ADAM19: variants seen among roughly 807,000 people sequenced by gnomAD.
ADAM19 encodes the protein ADAM metallopeptidase domain 19, also known as disintegrin and metalloproteinase domain-containing protein 19.
A neutral mutation model predicts 114.7 loss-of-function variants in ADAM19; 65 were observed. The observed-to-expected ratio is 0.57, with a 90% CI of 0.46 to 0.70. The LOEUF (loss-of-function observed/expected upper bound fraction) is 0.70. Ranked by LOEUF, ADAM19 falls within the 30% of genes least tolerant of loss-of-function variation. The pLI is 0.00. For missense variants in ADAM19, 1,063 were observed against 1,204.7 expected, an observed-to-expected ratio of 0.88 and a Z score of 1.74; for synonymous variants, 466 against 460.5, an observed-to-expected ratio of 1.01 and a Z score of -0.15.
chr5:157,504,590 A>T (rs187830921), intron 11 of ADAM19, among the ~76,000 whole-genome samples: 77 of 152,196 alleles, frequency 5.1e-4, no homozygotes, highest in African/African-American at 1.4e-3. Flanking sequence ...AAATAATTTT[A>T]AAAAATTGAC....
chr5:157,567,809 A>T (rs112243378), intron 2 of ADAM19, among the ~76,000 whole-genome samples: 51 of 152,092 alleles, frequency 3.4e-4, no homozygotes, highest in Middle Eastern at 3.4e-3. Context: ...ACAAAAAAAA[A>T]AAATAAAAAA....
intron 3 of ADAM19, among the ~76,000 whole-genome samples, chr5:157,543,857 T>C (rs1015913293): frequency 2.0e-5 from 3 of 152,158 alleles, no homozygotes; most frequent in African/African-American, 7.2e-5. Flanking sequence ...GCTATTCTAA[T>C]GTCATGGCCT....
rs1754690463 is a variant in ADAM19, at chr5:157,479,757, C to T, written c.*1192G>A. On this transcript the variant is annotated 3_prime_UTR_variant, in exon 23 of 23. Coordinates refer to ENST00000257527, the MANE Select transcript of ADAM19 (RefSeq NM_033274.5). Reference sequence around the variant, plus strand: ...TGCTGGCTGCCTTCTCCAGTGATCTCGGGCAGCTCCCAGAAATGGGTCTGT... The same window carrying T: ...TGCTGGCTGCCTTCTCCAGTGATCTTGGGCAGCTCCCAGAAATGGGTCTGT... 13 of 985,660 alleles carry T rather than the reference C, an allele frequency of 1.3e-5. No homozygotes were observed. The highest frequency in any genetic ancestry group is 5.2e-4 in the Middle Eastern group (1 of 1,914). The allele number at this position is 985,660 out of a possible 1,614,324, so 61.1% of individuals were successfully genotyped here. A position where few individuals can be genotyped will look rare whatever the true frequency, so the allele number is the denominator to read the frequency against.
chr5:157,487,986 A>G, intron 21 of ADAM19, among the ~76,000 whole-genome samples: 1 of 152,092 alleles, frequency 6.6e-6, no homozygotes, highest in East Asian at 1.9e-4. Flanking sequence ...AGCATGGGGG[A>G]ACTGACAGAA....
chr5:157,562,531 C>T (rs1488106750), intron 3 of ADAM19, among the ~76,000 whole-genome samples: 1 of 152,198 alleles, frequency 6.6e-6, no homozygotes, highest in Admixed American at 6.5e-5. Flanking sequence ...ACGAGGCTGG[C>T]CTTATTACCC....
intron 3 of ADAM19, among the ~76,000 whole-genome samples, chr5:157,543,402 G>C (rs1402477545): frequency 1.3e-5 from 2 of 152,180 alleles, no homozygotes; most frequent in Non-Finnish European, 2.9e-5. Flanking sequence ...TAAGTCGTGT[G>C]AATTCAGACT....
chr5:157,546,773 G>A (rs1407747755), intron 3 of ADAM19, among the ~76,000 whole-genome samples: 1 of 152,220 alleles, frequency 6.6e-6, no homozygotes, highest in Non-Finnish European at 1.5e-5. Context: ...AGGAAAGGGG[G>A]GAAGTGAGAC....
chr5:157,522,860 C>G (rs1226034318), intron 5 of ADAM19, among the ~76,000 whole-genome samples: 2 of 152,138 alleles, frequency 1.3e-5, no homozygotes, highest in Non-Finnish European at 2.9e-5. Context: ...AGTGATGGTG[C>G]CAGCAGCTCT....
At position 157,570,951 on chromosome 5, in the gene ADAM19, G is replaced by A. The variant is rs1165311976; in HGVS notation, c.124C>T (p.Gln42Ter). ...RGSEEGSPKL[Q>*]HELIIPQWKT... The stretch of plus-strand genomic sequence containing the variant: ...CACTGAGGTATGATAAGTTCATGCT[G>A]CAGCTTGGGGCTGCCTTCCTCACTT... Residue 42 changes from glutamine to a stop codon, truncating the protein, a stop_gained, in exon 2 of 23, where the codon CAG becomes TAG. Coordinates refer to ENST00000257527, the MANE Select transcript of ADAM19 (RefSeq NM_033274.5). LOFTEE classifies it high-confidence loss of function. 1 of 1,614,080 alleles carries A rather than the reference G, an allele frequency of 6.2e-7. No homozygotes were observed. Among genetic ancestry groups the A allele is most frequent in the Non-Finnish European group, 8.5e-7 (1 of 1,180,000 alleles).
chr5:157,541,625 GGAA>G (rs1366864923), intron 3 of ADAM19, among the ~76,000 whole-genome samples: 1 of 152,086 alleles, frequency 6.6e-6, no homozygotes, highest in East Asian at 1.9e-4. Flanking sequence ...CACTCTCTAG[GGAA>G]GAAGAACTGG....
intron 22 of ADAM19, 104 bp from the exon 23 acceptor site, chr5:157,481,106 C>G: frequency 6.9e-7 from 1 of 1,452,844 alleles, no homozygotes; most frequent in Non-Finnish European, 9.5e-7. Flanking sequence ...GATGGACCAC[C>G]CACTGAGAAC....
intron 13 of ADAM19, among the ~76,000 whole-genome samples, chr5:157,498,487 T>G (rs1324311662): frequency 2.0e-5 from 3 of 152,140 alleles, no homozygotes; most frequent in African/African-American, 2.4e-5. Flanking sequence ...TGATTAAACG[T>G]GAGTTAGAAC....
intron 19 of ADAM19, among the ~76,000 whole-genome samples, chr5:157,489,628 A>C (rs111759027): frequency 0.048 from 7,367 of 152,318 alleles, 244 homozygotes; most frequent in Middle Eastern, 0.082. Flanking sequence ...GGGACACCAA[A>C]AGCGAGCAGG....
intron 16 of ADAM19, among the ~76,000 whole-genome samples, chr5:157,492,620 T>C (rs1048439093): frequency 2.6e-5 from 4 of 152,214 alleles, no homozygotes; most frequent in African/African-American, 9.6e-5. Context: ...TGCTTCATGT[T>C]TTCCATAGTT....
chr5:157,560,446 G>C (rs915448594), intron 3 of ADAM19, among the ~76,000 whole-genome samples: 6 of 152,208 alleles, frequency 3.9e-5, no homozygotes, highest in Admixed American at 6.5e-5. Context: ...GTACCACACT[G>C]CCTCAATCAC....
In ADAM19 at chr5:157,502,855, C is replaced by T; in HGVS notation, c.1256G>A (p.Cys419Tyr). 6.2e-7 allele frequency: 1 copy of T among 1,614,210 alleles called. No homozygotes were observed. Among genetic ancestry groups the T allele is most frequent in the Non-Finnish European group, 8.5e-7 (1 of 1,180,028 alleles). Residue 419 changes from cysteine to tyrosine, a missense_variant, in exon 12 of 23, where the codon TGT becomes TAT. This residue lies in a region of ADAM19 where 615 missense variants were observed against 706.3 expected (regional missense o/e 0.87). Transcript: ENST00000257527. ...DTRMLYGGRR[C>Y]GNGYLEDGEE... ...CCCATCTTCCAGATACCCGTTCCCA[C>T]ACCTCCGGCCTCCATACAACATCCT...
intron 3 of ADAM19, among the ~76,000 whole-genome samples, chr5:157,563,294 G>A (rs780647799): frequency 2.0e-5 from 3 of 152,162 alleles, no homozygotes; most frequent in Non-Finnish European, 4.4e-5. Context: ...TGGAGGCAGA[G>A]GAAGGATGTG....
intron 7 of ADAM19, among the ~76,000 whole-genome samples, chr5:157,515,914 C>T (rs1581319420): frequency 6.6e-6 from 1 of 152,142 alleles, no homozygotes; most frequent in African/African-American, 2.4e-5. Context: ...GCCCAGGGAG[C>T]GAGGAGCTGC....
At chr5:157,550,137 A>T (rs1757149846) in intron 3 of ADAM19, among the ~76,000 whole-genome samples, 2 of 152,214 alleles carry the variant, frequency 1.3e-5, no homozygotes, top group Admixed American at 1.3e-4. Flanking sequence ...GACTACCGTA[A>T]CAAAGTATCA....
Sources: allele counts gnomAD v4.1 joint callset (sites outside exome capture counted in the v4.1 genomes callset), GRCh38; gene constraint gnomAD v4.1.1; regional missense constraint gnomAD v4.1.1; transcripts MANE v1.5; gene names NCBI Gene and HGNC (gene_info 2026-07-23, HGNC 2026-07-21).